Variants in PLXNA2 observed in about 807,000 individuals in gnomAD.
PLXNA2 encodes the protein plexin A2.
PLXNA2 carries 91 observed loss-of-function variants against 193.5 expected under a neutral mutation model. That is an observed-to-expected ratio of 0.47 (90% confidence interval 0.40 to 0.56). PLXNA2 has a LOEUF of 0.56. Among genes scored for constraint, PLXNA2 ranks in the 20% least tolerant of loss-of-function variants. The pLI, the probability that PLXNA2 is intolerant of heterozygous loss-of-function variation, is 0.00. For missense variants in PLXNA2, 1,995 were observed against 2,503.2 expected, an observed-to-expected ratio of 0.80 and a Z score of 4.33; for synonymous variants, 997 against 1,027.3, an observed-to-expected ratio of 0.97 and a Z score of 0.56.
intron 4 of PLXNA2, among the ~76,000 whole-genome samples, chr1:208,128,179 A>G (rs1489912303): frequency 6.6e-6 from 1 of 152,246 alleles, no homozygotes; most frequent in Non-Finnish European, 1.5e-5. Flanking sequence ...AGCTGACGGC[A>G]GGAGCTGACA....
chr1:208,069,008 G>C (rs961907064), intron 12 of PLXNA2, among the ~76,000 whole-genome samples: 1 of 152,210 alleles, frequency 6.6e-6, no homozygotes, highest in Admixed American at 6.5e-5. Context: ...CTTTAGGGTA[G>C]AGAGCTCAGG....
At position 208,079,436 on chromosome 1, in the gene PLXNA2, A is replaced by G; in HGVS notation, c.2410T>C (p.Cys804Arg). ...CCGCAGCTCTCCCGCTGGGCTGCAC[A>G]CTTGTAGAGATGGACTGCAAAGAGA... ...PQDLKVHLYK[C>R]AAQRESCGLC... The change falls in exon 12 of 32, where the codon TGT (cysteine) becomes CGT (arginine). Residue 804 changes from cysteine (C) to arginine (R), a missense_variant. Around this residue, in one of 3 missense-constraint regions of PLXNA2, gnomAD observed 1,291 missense variants for 1,673.6 expected, o/e 0.77. Coordinates refer to ENST00000367033, the MANE Select transcript of PLXNA2 (RefSeq NM_025179.4). 1.3e-6 allele frequency: 2 copies of G among 1,594,520 alleles called. No individual in the cohort carries two copies. Among genetic ancestry groups the G allele is most frequent in the Non-Finnish European group, 1.7e-6 (2 of 1,168,168 alleles).
chr1:208,124,738 A>T (rs1157037112), intron 4 of PLXNA2, among the ~76,000 whole-genome samples: 1 of 152,022 alleles, frequency 6.6e-6, no homozygotes, highest in African/African-American at 2.4e-5. Flanking sequence ...GGCAAGCCCA[A>T]CTAAAGAGGG....
intron 22 of PLXNA2, 97 bp from the exon 23 acceptor site, chr1:208,040,155 G>A (rs1384147502): frequency 6.1e-6 from 6 of 976,402 alleles, no homozygotes; most frequent in Non-Finnish European, 9.8e-6. Flanking sequence ...GAACAATGGA[G>A]CATGGGAGAA....
At chr1:208,202,142 G>A (rs576492038) in intron 3 of PLXNA2, among the ~76,000 whole-genome samples, 1 of 151,952 alleles carries the variant, frequency 6.6e-6, no homozygotes, top group South Asian at 2.1e-4. Context: ...GCCATGCCCG[G>A]CTAATTTTTG....
At position 208,022,880 on chromosome 1, in the gene PLXNA2, T is replaced by C; in HGVS notation, c.*4363A>G. ...GGCTGAGGAATCTCCAGTTTGCTTA[T>C]TGGGTGGAGGCCCTGTATGCCAAGC... is the stretch of plus-strand genomic sequence containing the variant. On this transcript the variant is annotated 3_prime_UTR_variant, in exon 32 of 32. Coordinates refer to ENST00000367033, the MANE Select transcript of PLXNA2 (RefSeq NM_025179.4). 6.6e-6 allele frequency: 1 copy of C among 152,244 alleles called. No homozygotes were observed. The highest frequency in any genetic ancestry group is 1.9e-4 in the East Asian group (1 of 5,194). 9.4% of individuals were successfully genotyped at this position (152,244 alleles called of 1,614,324 possible). A position where few individuals can be genotyped will look rare whatever the true frequency, so the allele number is the denominator to read the frequency against.
intron 4 of PLXNA2, among the ~76,000 whole-genome samples, chr1:208,141,007 C>T (rs1668441342): frequency 6.6e-6 from 1 of 152,202 alleles, no homozygotes. Flanking sequence ...CTGTCTTACC[C>T]ACTCTAGGTT....
chr1:208,068,676 C>T (rs1003039704), intron 12 of PLXNA2, among the ~76,000 whole-genome samples: 11 of 152,220 alleles, frequency 7.2e-5, no homozygotes, highest in Admixed American at 6.5e-4. Context: ...AAGATGACTT[C>T]CTTTGCTTGT....
At chr1:208,088,379 G>A (rs1343627774) in intron 9 of PLXNA2, among the ~76,000 whole-genome samples, 2 of 152,198 alleles carry the variant, frequency 1.3e-5, no homozygotes, top group South Asian at 2.1e-4. Context: ...TTCACCCACT[G>A]GACTTCAAAG....
chr1:208,053,901 T>A (rs917601337), intron 14 of PLXNA2, among the ~76,000 whole-genome samples: 3 of 152,212 alleles, frequency 2.0e-5, no homozygotes, highest in Non-Finnish European at 4.4e-5. Context: ...AGTAGCGAGT[T>A]ACACATACAG....
chr1:208,194,560 G>T (rs182624924), intron 3 of PLXNA2, among the ~76,000 whole-genome samples: 2 of 150,478 alleles, frequency 1.3e-5, no homozygotes, highest in Admixed American at 1.3e-4. Flanking sequence ...TTAAATGCAC[G>T]CCACTTTCAT....
chr1:208,033,542 T>C, intron 27 of PLXNA2, 33 bp from the exon 28 acceptor site: 1 of 1,540,052 alleles, frequency 6.5e-7, no homozygotes. Context: ...GGGCTGTGAG[T>C]AACAGTCACC....
intron 12 of PLXNA2, among the ~76,000 whole-genome samples, chr1:208,065,427 C>T (rs772452225): frequency 3.9e-5 from 6 of 152,164 alleles, no homozygotes; most frequent in Non-Finnish European, 8.8e-5. Context: ...GATAATAATG[C>T]TTGCCTCACA....
intron 3 of PLXNA2, among the ~76,000 whole-genome samples, chr1:208,187,632 C>G (rs1187074574): frequency 1.3e-5 from 2 of 152,230 alleles, no homozygotes; most frequent in Non-Finnish European, 2.9e-5. Flanking sequence ...TATGCGAAGA[C>G]GTCTGCAAGG....
intron 3 of PLXNA2, among the ~76,000 whole-genome samples, chr1:208,202,963 C>T (rs1372932991): frequency 6.6e-6 from 1 of 152,224 alleles, no homozygotes; most frequent in Non-Finnish European, 1.5e-5. Context: ...AGTTTCTCCC[C>T]TTTCAGAATG....
intron 3 of PLXNA2, among the ~76,000 whole-genome samples, chr1:208,142,814 C>T (rs1011197909): frequency 4.6e-5 from 7 of 152,230 alleles, no homozygotes; most frequent in Non-Finnish European, 1.0e-4. Flanking sequence ...TGTGCTTATG[C>T]ACACTCCTTC....
chr1:208,085,279 G>A (rs1666480674), intron 9 of PLXNA2, among the ~76,000 whole-genome samples: 1 of 152,132 alleles, frequency 6.6e-6, no homozygotes, highest in Admixed American at 6.5e-5. Flanking sequence ...GAGGTCAAAG[G>A]GCCACCCCAC....
chr1:208,192,203 C>T (rs1177252229), intron 3 of PLXNA2, among the ~76,000 whole-genome samples: 2 of 152,234 alleles, frequency 1.3e-5, no homozygotes, highest in Non-Finnish European at 2.9e-5. Flanking sequence ...CTGATCCATT[C>T]TCCTGGTCTG....
At chr1:208,212,342 T>G (rs933508981) in intron 2 of PLXNA2, among the ~76,000 whole-genome samples, 1 of 152,254 alleles carries the variant, frequency 6.6e-6, no homozygotes, top group Non-Finnish European at 1.5e-5. Context: ...ACTCATTTTT[T>G]GTGGTTCCAC....
Sources: gnomAD v4.1 joint callset for allele counts (sites outside exome capture counted in the v4.1 genomes callset) on GRCh38, gnomAD v4.1.1 for gene constraint, gnomAD v4.1.1 regional missense constraint, MANE v1.5 for transcripts, NCBI Gene and HGNC (gene_info 2026-07-23, HGNC 2026-07-21) for gene names.